Variants in CYP2S1 observed in about 807,000 individuals in gnomAD.
CYP2S1 encodes the protein cytochrome P450 family 2 subfamily S member 1, also known as cytochrome P450 2S1.
In CYP2S1, 32 loss-of-function variants were observed where a neutral mutation model predicts 43.5. That is an observed-to-expected ratio of 0.74 (90% CI 0.56 to 0.99). The LOEUF is 0.99. CYP2S1 is among the 50% of genes least tolerant of loss of function. The pLI, the probability that CYP2S1 is intolerant of heterozygous loss-of-function variation, is 0.00. For synonymous variants in CYP2S1, 283 were observed against 302.9 expected (o/e 0.93, Z 0.68); for missense variants, 575 against 673.9 (o/e 0.85, Z 1.62).
At position 41,206,442 on chromosome 19, in the gene CYP2S1, T is replaced by C. The variant is rs766982068; in HGVS notation, c.1469T>C (p.Leu490Pro). ...TTCAACATTCCCCCAGCCTTCCAGC[T>C]GCAAGTCCGTCCCACTGACCTTCAC... ...GLFNIPPAFQLQVRPTDLHST... is the reference protein window; with the variant it reads ...GLFNIPPAFQPQVRPTDLHST... The change falls in exon 9 of 9, where the codon CTG (leucine) becomes CCG (proline). Residue 490 changes from leucine to proline, a missense_variant. Physicochemically the swap from Leu to Pro is moderately conservative, Grantham distance 98. Around this residue, in one of 2 missense-constraint regions of CYP2S1, gnomAD observed 222 missense variants for 306.3 expected, o/e 0.72. Transcript: ENST00000310054. 5 of 1,614,116 alleles carry C rather than the reference T, an allele frequency of 3.1e-6. No homozygotes were observed. Among genetic ancestry groups the C allele is most frequent in the Non-Finnish European group, 3.4e-6 (4 of 1,180,028 alleles).
At chr19:41,195,822 AG>A (rs2033405337) in intron 2 of CYP2S1, among the ~76,000 whole-genome samples, 4 of 151,924 alleles carry the variant, frequency 2.6e-5, no homozygotes, top group Admixed American at 1.3e-4. Flanking sequence ...CTGAATGGGG[AG>A]GATGACTTGA....
chr19:41,197,810 G>A lies in CYP2S1; in HGVS notation c.375G>A (p.Arg125=). The A allele has an allele frequency of 1.2e-6, 2 of 1,614,148 alleles. No individual in the cohort carries two copies. Among genetic ancestry groups the A allele is most frequent in the Non-Finnish European group, 1.7e-6 (2 of 1,180,038 alleles). The change falls in exon 3 of 9, where the codon AGG becomes AGA. Residue 125 remains arginine, a synonymous_variant. Transcript: ENST00000310054. ...TCTTCTCCAACGGGGAGCGGTGGAG[G>A]CAGCTGAGGAAGTTTACCATGCTTG... ...GVFFSNGERW[R]QLRKFTMLAL... is the part of the protein sequence containing the mutation.
intron 2 of CYP2S1, 36 bp downstream of exon 2, chr19:41,194,745 C>T (rs1424110990): frequency 6.3e-7 from 1 of 1,584,622 alleles, no homozygotes. Flanking sequence ...CGCTCACAGC[C>T]TGCCACCACT....
chr19:41,205,807 C>A, intron 7 of CYP2S1, 151 bp from the exon 8 acceptor site: 1 of 997,094 alleles, frequency 1.0e-6, no homozygotes, highest in Non-Finnish European at 1.4e-6. Context: ...CAGGCATGAG[C>A]CACTGCACGC....
At chr19:41,204,299 A>C (rs1400864826) in intron 7 of CYP2S1, among the ~76,000 whole-genome samples, 1 of 152,138 alleles carries the variant, frequency 6.6e-6, no homozygotes, top group Non-Finnish European at 1.5e-5. Context: ...CAATCGAATG[A>C]GGTAACATAC....
At position 41,198,172 on chromosome 19, in the gene CYP2S1, A is replaced by ATC. The variant is rs1263290988; in HGVS notation, c.493+254_493+255dup. Among the ~76,000 whole-genome samples, 2 of 148,112 alleles carry ATC rather than the reference A, an allele frequency of 1.4e-5. No individual in the cohort carries two copies. The highest frequency in any genetic ancestry group is 2.5e-5 in the African/African-American group (1 of 40,094). On this transcript the variant is annotated intron_variant, in intron 3 of 8. Coordinates refer to ENST00000310054, the MANE Select transcript of CYP2S1 (RefSeq NM_030622.8). This position sits in a 1 kb window ranked among gnomAD's most constrained non-coding sequence, Gnocchi z 4.9. ...ATCATCCCATTCTTCCTGGGTCTCC[A>ATC]TCTCTCTCTCTGTCTCTTTTCTTTC...
chr19:41,200,261 T>A (rs770759499), intron 5 of CYP2S1, among the ~76,000 whole-genome samples: 2 of 152,168 alleles, frequency 1.3e-5, no homozygotes, highest in Non-Finnish European at 2.9e-5. Context: ...TACAGTAGTG[T>A]TCAGTACATT....
At chr19:41,199,113 C>T (rs2033455715) in intron 5 of CYP2S1, among the ~76,000 whole-genome samples, 1 of 152,130 alleles carries the variant, frequency 6.6e-6, no homozygotes, top group Non-Finnish European at 1.5e-5. Flanking sequence ...CCGACCTGGG[C>T]ATTTGTGCCG....
At chr19:41,193,685 C>G in intron 1 of CYP2S1, 2 of 687,872 alleles carry the variant, frequency 2.9e-6, no homozygotes, top group South Asian at 6.5e-5. Flanking sequence ...GGGCAGAGAC[C>G]TCTGCCTACA....
In CYP2S1 at chr19:41,207,316, A is replaced by T. The variant is rs2033596746; in HGVS notation, c.*828A>T. The T allele has an allele frequency of 5.2e-6, 1 of 191,156 alleles. No individual in the cohort carries two copies. Among genetic ancestry groups the T allele is most frequent in the African/African-American group, 2.3e-5 (1 of 42,832 alleles). The allele number at this position is 191,156 out of a possible 1,614,324, so 11.8% of individuals were successfully genotyped here. A position where few individuals can be genotyped will look rare whatever the true frequency, so the allele number is the denominator to read the frequency against. Reference sequence around the variant, plus strand: ...AACCCCAACACGTGCTTATGTAACCACGTGGAAAGCGGCCCCTGCTGCCCC... The same window carrying T: ...AACCCCAACACGTGCTTATGTAACCTCGTGGAAAGCGGCCCCTGCTGCCCC... On this transcript the variant is annotated 3_prime_UTR_variant, in exon 9 of 9. Coordinates refer to ENST00000310054, the MANE Select transcript of CYP2S1 (RefSeq NM_030622.8).
chr19:41,200,255 G>A (rs1419801780), intron 5 of CYP2S1, among the ~76,000 whole-genome samples: 1 of 152,112 alleles, frequency 6.6e-6, no homozygotes, highest in Non-Finnish European at 1.5e-5. Context: ...ATACAGTACA[G>A]TAGTGTTCAG....
intron 2 of CYP2S1, 104 bp downstream of exon 2, chr19:41,194,813 G>A: frequency 6.8e-7 from 1 of 1,474,174 alleles, no homozygotes; most frequent in Non-Finnish European, 9.0e-7. Context: ...TCTGTCAAAT[G>A]GAGTGATAAC....
In CYP2S1 at chr19:41,206,905, C is replaced by A; in HGVS notation, c.*417C>A. Reference sequence around the variant, plus strand: ...TCCATTCATCGAACTTCTCAGTGTCCCTGTCCCTGGTGCCTGGCACAGGGA... The same window carrying A: ...TCCATTCATCGAACTTCTCAGTGTCACTGTCCCTGGTGCCTGGCACAGGGA... On this transcript the variant is annotated 3_prime_UTR_variant, in exon 9 of 9. Transcript: ENST00000310054. 2.4e-6 allele frequency: 1 copy of A among 411,702 alleles called. No homozygotes were observed. The highest frequency in any genetic ancestry group is 1.8e-5 in the South Asian group (1 of 55,392). 25.5% of individuals were successfully genotyped at this position (411,702 alleles called of 1,614,324 possible). A position where few individuals can be genotyped will look rare whatever the true frequency, so the allele number is the denominator to read the frequency against.
chr19:41,195,250 C>T (rs538486887), intron 2 of CYP2S1, among the ~76,000 whole-genome samples: 1 of 152,314 alleles, frequency 6.6e-6, no homozygotes, highest in Non-Finnish European at 1.5e-5. Flanking sequence ...CCAGGTAAAG[C>T]CCTGAGGGTT....
At chr19:41,196,596 G>A (rs1199291187) in intron 2 of CYP2S1, among the ~76,000 whole-genome samples, 3 of 151,978 alleles carry the variant, frequency 2.0e-5, no homozygotes, top group Non-Finnish European at 4.4e-5. Flanking sequence ...CTCTGGCCGA[G>A]GAATGGATGG....
intron 2 of CYP2S1, among the ~76,000 whole-genome samples, chr19:41,196,157 G>C (rs902508662): frequency 1.3e-5 from 2 of 152,090 alleles, no homozygotes; most frequent in Non-Finnish European, 2.9e-5. Context: ...AAGGATGAAC[G>C]AGTTAGTTCA....
chr19:41,202,364 C>T (rs1253108679), intron 6 of CYP2S1, among the ~76,000 whole-genome samples: 1 of 152,086 alleles, frequency 6.6e-6, no homozygotes, highest in African/African-American at 2.4e-5. Flanking sequence ...GAGTGGAGGT[C>T]CTGGTAGTGT....
At position 41,201,237 on chromosome 19, in the gene CYP2S1, C is replaced by G; in HGVS notation, c.841C>G (p.Gln281Glu). ...AFLLKMAQEE[Q>E]NPGTEFTNKN... ...TCTGCCTGGTTTCTTTCAGGAGGAACAAAACCCAGGCACAGAATTCACCAA... is the reference window on the plus strand; with the variant it reads ...TCTGCCTGGTTTCTTTCAGGAGGAAGAAAACCCAGGCACAGAATTCACCAA... The change falls in exon 6 of 9, where the codon CAA (glutamine) becomes GAA (glutamate). Residue 281 changes from glutamine to glutamate, a missense_variant. Gln to Glu is a conservative substitution (Grantham distance 29). Transcript: ENST00000310054. The G allele has an allele frequency of 6.2e-7, 1 of 1,614,018 alleles. No individual in the cohort carries two copies. The highest frequency in any genetic ancestry group is 8.5e-7 in the Non-Finnish European group (1 of 1,179,928).
intron 6 of CYP2S1, 36 bp from the exon 7 acceptor site, chr19:41,203,414 A>C (rs868103483): frequency 1.9e-6 from 3 of 1,545,814 alleles, no homozygotes; most frequent in Middle Eastern, 3.8e-4. Flanking sequence ...CCTGGGCCCT[A>C]CCCCCGTCTG....
Sources: gnomAD v4.1 joint callset for allele counts (sites outside exome capture counted in the v4.1 genomes callset) on GRCh38, gnomAD v4.1.1 for gene constraint, gnomAD v4.1.1 regional missense constraint, Gnocchi (gnomAD v3.1) non-coding constraint, MANE v1.5 for transcripts, NCBI Gene and HGNC (gene_info 2026-07-23, HGNC 2026-07-21) for gene names.